Variants in NAALADL2 observed in about 807,000 individuals in gnomAD.
The protein encoded by NAALADL2 is N-acetylated alpha-linked acidic dipeptidase like 2, also known as inactive N-acetylated-alpha-linked acidic dipeptidase-like protein 2.
NAALADL2 carries 76 observed loss-of-function variants against 87.2 expected under a neutral mutation model. The ratio of observed to expected loss-of-function variants is 0.87; its 90% CI spans 0.72 to 1.05. The LOEUF is 1.05. NAALADL2 is among the 50% of genes least tolerant of loss of function. The pLI, the probability that NAALADL2 is intolerant of heterozygous loss-of-function variation, is 0.00. For synonymous variants in NAALADL2, 354 were observed against 331.0 expected (o/e 1.07, Z -0.75); for missense variants, 1,089 against 945.8 (o/e 1.15, Z -1.99).
At chr3:175,122,172 T>A (rs1726256667) in intron 2 of NAALADL2, among the ~76,000 whole-genome samples, 1 of 151,818 alleles carries the variant, frequency 6.6e-6, no homozygotes, top group Non-Finnish European at 1.5e-5. Flanking sequence ...CCTATGCTGA[T>A]ATAAACTTTT....
At chr3:175,712,918 A>G (rs1740721551) in intron 11 of NAALADL2, among the ~76,000 whole-genome samples, 1 of 152,028 alleles carries the variant, frequency 6.6e-6, no homozygotes. Flanking sequence ...AGCTACTGAG[A>G]TTTGGGGGGT....
At chr3:174,791,295 C>G (rs1257223369) in intron 3 of NAALADL2, among the ~76,000 whole-genome samples, 1 of 152,114 alleles carries the variant, frequency 6.6e-6, no homozygotes, top group African/African-American at 2.4e-5. Context: ...TTCGCATTCT[C>G]CTAAAAGTCA....
chr3:175,667,510 G>T (rs1733357248), intron 11 of NAALADL2, among the ~76,000 whole-genome samples: 1 of 152,108 alleles, frequency 6.6e-6, no homozygotes, highest in Non-Finnish European at 1.5e-5. Flanking sequence ...GTACTCTGTT[G>T]CTGTGGTATT....
intron 2 of NAALADL2, among the ~76,000 whole-genome samples, chr3:174,659,697 T>G (rs1317284422): frequency 6.6e-6 from 1 of 152,182 alleles, no homozygotes; most frequent in African/African-American, 2.4e-5. Flanking sequence ...AAAGGGAAGA[T>G]AAGTCAGGTT....
chr3:175,324,165 C>A lies in NAALADL2; in HGVS notation c.940-10C>A. On this transcript the variant is annotated splice_polypyrimidine_tract_variant and intron_variant, in intron 4 of 13. Transcript: ENST00000454872. ...GATAATATTTTTAATAGCTTGCTTC[C>A]CTCTTTTAGCTTTCCTCATTGGAAA... The A allele has an allele frequency of 7.5e-6, 12 of 1,610,232 alleles. No homozygotes were observed. The highest frequency in any genetic ancestry group is 1.0e-5 in the Non-Finnish European group (12 of 1,178,200).
intron 2 of NAALADL2, among the ~76,000 whole-genome samples, chr3:175,131,509 C>T (rs559191215): frequency 5.9e-5 from 9 of 152,190 alleles, no homozygotes; most frequent in African/African-American, 2.2e-4. Context: ...TTTCTTAGTA[C>T]AGAGCAAAAT....
chr3:175,476,071 C>A (rs4558764), intron 9 of NAALADL2, among the ~76,000 whole-genome samples: 121,298 of 152,128 alleles, frequency 0.8, 48,460 homozygotes, highest in East Asian at 0.9. Flanking sequence ...GTCTCTGAAA[C>A]AGTAGCAAAG....
At chr3:175,718,636 G>A in intron 11 of NAALADL2, 1 of 1,590,686 alleles carries the variant, frequency 6.3e-7, no homozygotes. Flanking sequence ...AATTGCGAGG[G>A]ACTTTTACTC....
At chr3:175,575,565 G>T (rs4602400) in intron 9 of NAALADL2, among the ~76,000 whole-genome samples, 96,217 of 151,882 alleles carry the variant, frequency 0.63, 33,303 homozygotes, top group East Asian at 0.85. Flanking sequence ...GATTACAGGG[G>T]TGAGCCACCA....
intron 2 of NAALADL2, among the ~76,000 whole-genome samples, chr3:175,175,949 GTTAT>G (rs1735635195): frequency 6.6e-6 from 1 of 152,008 alleles, no homozygotes; most frequent in Admixed American, 6.6e-5. Flanking sequence ...TATTCAGGCA[GTTAT>G]TTATGTGCTA....
chr3:174,986,702 C>T (rs1206582673), intron 1 of NAALADL2, among the ~76,000 whole-genome samples: 4 of 152,210 alleles, frequency 2.6e-5, no homozygotes, highest in African/African-American at 9.6e-5. Context: ...TGAAACTGTG[C>T]TTCTCTTAAG....
intron 12 of NAALADL2, among the ~76,000 whole-genome samples, chr3:175,739,512 G>T (rs573542509): frequency 6.6e-6 from 1 of 152,230 alleles, no homozygotes; most frequent in East Asian, 1.9e-4. Flanking sequence ...TAATCTGGTT[G>T]GTGTGGATGA....
chr3:174,524,716 TAA>T (rs10612544), intron 1 of NAALADL2, among the ~76,000 whole-genome samples: 6,294 of 144,706 alleles, frequency 0.043, 383 homozygotes, highest in African/African-American at 0.14. Flanking sequence ...CCCAACAAAT[TAA>T]AAAAAAAAAA....
intron 2 of NAALADL2, among the ~76,000 whole-genome samples, chr3:174,693,219 A>G (rs1255517844): frequency 1.3e-5 from 2 of 152,094 alleles, no homozygotes. Flanking sequence ...CTGAATGCTA[A>G]AGTCCATGCA....
At position 175,359,897 on chromosome 3, in the gene NAALADL2, T is replaced by G. The variant is rs4894485; in HGVS notation, c.1090+35572T>G. 1.5e-3 allele frequency among the ~76,000 whole-genome samples: 229 copies of G among 152,052 alleles called. 3 individuals are homozygous for G. Among genetic ancestry groups the G allele is most frequent in the African/African-American group, 5.3e-3 (222 of 41,514 alleles). On this transcript the variant is annotated intron_variant, in intron 5 of 13. Transcript: ENST00000454872. ...GAGCAAGCAATTTGTTGCCCCACCT[T>G]TTCTGAACTCTCCAGCCAGTCCCCT... is the stretch of plus-strand genomic sequence containing the variant.
At chr3:175,068,444 A>T (rs976425027) in intron 1 of NAALADL2, among the ~76,000 whole-genome samples, 6 of 152,152 alleles carry the variant, frequency 3.9e-5, no homozygotes, top group Admixed American at 2.6e-4. Context: ...CAAGAGAATT[A>T]AAAACAAAAC....
chr3:175,068,694 T>G (rs1049108801), intron 1 of NAALADL2, among the ~76,000 whole-genome samples: 2 of 152,052 alleles, frequency 1.3e-5, no homozygotes, highest in Admixed American at 6.6e-5. Flanking sequence ...AAAATGAAAA[T>G]GAAAGCTTTT....
chr3:175,211,119 C>A (rs999681695), intron 2 of NAALADL2, among the ~76,000 whole-genome samples: 1 of 151,746 alleles, frequency 6.6e-6, no homozygotes, highest in African/African-American at 2.4e-5. Flanking sequence ...TGAAATGGAG[C>A]AGTTTATTTC....
At chr3:175,616,240 A>G (rs994437988) in intron 10 of NAALADL2, among the ~76,000 whole-genome samples, 9 of 148,094 alleles carry the variant, frequency 6.1e-5, no homozygotes, top group Admixed American at 4.1e-4. Flanking sequence ...TTTTAGAATT[A>G]TTGTATGTAT....
Sources: gnomAD v4.1 joint callset for allele counts (sites outside exome capture counted in the v4.1 genomes callset) on GRCh38, gnomAD v4.1.1 for gene constraint, MANE v1.5 for transcripts, NCBI Gene and HGNC (gene_info 2026-07-23, HGNC 2026-07-21) for gene names.